The following MAP4K3 variants were observed in gnomAD, a reference collection of about 807,000 sequenced individuals.
MAP4K3 encodes the protein mitogen-activated protein kinase kinase kinase kinase 3.
Under a neutral mutation model 143.5 loss-of-function variants are expected in MAP4K3, and 94 were observed. That is an observed-to-expected ratio of 0.65 (90% CI 0.55 to 0.78). The LOEUF (loss-of-function observed/expected upper bound fraction) is 0.78. MAP4K3 is among the 30% of genes least tolerant of loss of function. The pLI, the probability that MAP4K3 is intolerant of heterozygous loss-of-function variation, is 0.00. For missense variants in MAP4K3, 1,077 were observed against 1,068.1 expected, an observed-to-expected ratio of 1.01 and a Z score of -0.12; for synonymous variants, 416 against 347.2, an observed-to-expected ratio of 1.20 and a Z score of -2.20.
intron 28 of MAP4K3, 117 bp from the exon 29 acceptor site, chr2:39,260,894 G>T: frequency 4.4e-6 from 3 of 685,082 alleles, no homozygotes; most frequent in Non-Finnish European, 4.8e-6. Flanking sequence ...AGAAATTCAG[G>T]TAATGCAGAA....
intron 27 of MAP4K3, among the ~76,000 whole-genome samples, chr2:39,265,686 CG>C: frequency 6.6e-6 from 1 of 152,212 alleles, no homozygotes; most frequent in South Asian, 2.1e-4. Context: ...ACAACACATT[CG>C]GGTGGTTCAC....
intron 1 of MAP4K3, among the ~76,000 whole-genome samples, chr2:39,419,231 A>C (rs192058239): frequency 3.1e-4 from 47 of 152,278 alleles, no homozygotes; most frequent in African/African-American, 1.1e-3. Context: ...TACTTTCTGC[A>C]AACAATAGTG....
intron 32 of MAP4K3, among the ~76,000 whole-genome samples, chr2:39,253,570 C>T (rs1680232092): frequency 6.6e-6 from 1 of 152,322 alleles, no homozygotes; most frequent in South Asian, 2.1e-4. Context: ...ATGCCAAGGT[C>T]ACCCAGCTAC....
intron 1 of MAP4K3, among the ~76,000 whole-genome samples, chr2:39,404,833 C>A (rs1405420071): frequency 3.3e-5 from 5 of 152,052 alleles, no homozygotes; most frequent in Non-Finnish European, 7.4e-5. Flanking sequence ...GTTGGTCAGG[C>A]TGGTCTCGAA....
At chr2:39,425,576 G>C (rs1665042589) in intron 1 of MAP4K3, among the ~76,000 whole-genome samples, 1 of 152,100 alleles carries the variant, frequency 6.6e-6, no homozygotes, top group South Asian at 2.1e-4. Context: ...CTCTCTCTCT[G>C]TAAGAAGGCC....
At chr2:39,267,068 T>G (rs1213557025) in intron 27 of MAP4K3, 121 bp downstream of exon 27, 4 of 861,494 alleles carry the variant, frequency 4.6e-6, no homozygotes, top group Non-Finnish European at 5.7e-6. Flanking sequence ...GCCAAGAAAT[T>G]TGTTCTACTT....
intron 1 of MAP4K3, among the ~76,000 whole-genome samples, chr2:39,430,208 T>G (rs1478641877): frequency 1.3e-5 from 2 of 152,224 alleles, no homozygotes; most frequent in African/African-American, 4.8e-5. Flanking sequence ...GAAGAGGAGA[T>G]TCTTTGAGCA....
chr2:39,407,214 T>A (rs1025683071), intron 1 of MAP4K3, among the ~76,000 whole-genome samples: 2 of 152,106 alleles, frequency 1.3e-5, no homozygotes, highest in Admixed American at 6.5e-5. Context: ...AAGAGAACTG[T>A]GCCAATATAG....
At chr2:39,401,540 C>T (rs1308518424) in intron 1 of MAP4K3, among the ~76,000 whole-genome samples, 1 of 152,138 alleles carries the variant, frequency 6.6e-6, no homozygotes, top group East Asian at 1.9e-4. Flanking sequence ...TGGTTCATGC[C>T]TGTAATCCTA....
chr2:39,255,443 C>T (rs1286778998), intron 31 of MAP4K3, among the ~76,000 whole-genome samples: 1 of 152,100 alleles, frequency 6.6e-6, no homozygotes, highest in Non-Finnish European at 1.5e-5. Context: ...ATTGTACCAG[C>T]ATCATTTGTT....
intron 1 of MAP4K3, among the ~76,000 whole-genome samples, chr2:39,428,520 C>T (rs1422701825): frequency 2.7e-5 from 4 of 150,598 alleles, no homozygotes; most frequent in African/African-American, 9.8e-5. Flanking sequence ...TAAAATAATA[C>T]AAAAAATTAG....
At chr2:39,282,006 C>T (rs532830990) in intron 22 of MAP4K3, among the ~76,000 whole-genome samples, 1 of 151,752 alleles carries the variant, frequency 6.6e-6, no homozygotes, top group Non-Finnish European at 1.5e-5. Flanking sequence ...CCAGCCTGGC[C>T]AATATGGTAA....
At chr2:39,341,361 T>G (rs187388867) in intron 4 of MAP4K3, among the ~76,000 whole-genome samples, 4 of 152,048 alleles carry the variant, frequency 2.6e-5, no homozygotes, top group African/African-American at 9.7e-5. Context: ...AAAATATCAC[T>G]GAAAAAACTT....
chr2:39,315,875 T>A (rs1321199370), intron 12 of MAP4K3, among the ~76,000 whole-genome samples: 2 of 152,128 alleles, frequency 1.3e-5, no homozygotes, highest in African/African-American at 4.8e-5. Flanking sequence ...AATTTATGAA[T>A]TTTTTTGAAA....
At chr2:39,323,550 C>G (rs1683389454) in intron 12 of MAP4K3, 1 of 152,282 alleles carries the variant, frequency 6.6e-6, no homozygotes, top group Middle Eastern at 3.4e-3. Flanking sequence ...ACAGTTACCA[C>G]TGTATATTAA....
intron 1 of MAP4K3, among the ~76,000 whole-genome samples, chr2:39,397,913 C>A (rs1380622683): frequency 6.6e-6 from 1 of 151,888 alleles, no homozygotes. Flanking sequence ...AACAGAAATG[C>A]AAACAAAAAA....
chr2:39,407,928 C>T (rs1324632627), intron 1 of MAP4K3, among the ~76,000 whole-genome samples: 3 of 151,756 alleles, frequency 2.0e-5, no homozygotes, highest in Admixed American at 1.3e-4. Flanking sequence ...GAAAAAAATG[C>T]CACAAGATAT....
At chr2:39,360,764 C>T (rs1161283589) in intron 2 of MAP4K3, among the ~76,000 whole-genome samples, 1 of 152,080 alleles carries the variant, frequency 6.6e-6, no homozygotes, top group South Asian at 2.1e-4. Flanking sequence ...GGGGAAAAGC[C>T]ACTTATAAAA....
Position 39,286,730 on chromosome 2 carries a change from A to T in MAP4K3, c.1587+122T>A, listed in dbSNP as rs1681792954. The T allele has an allele frequency of 9.3e-6, 4 of 432,050 alleles. No individual in the cohort carries two copies. In the East Asian group the frequency reaches 1.4e-4, roughly 15 times the overall value. 26.8% of individuals were successfully genotyped at this position (432,050 alleles called of 1,614,324 possible). The stretch of plus-strand genomic sequence containing the variant: ...TCACCATTATAATTAATATACTAAA[A>T]TATCAATATAGTAATTGTAAAATAT... On this transcript the variant is annotated intron_variant, in intron 21 of 33. Coordinates refer to ENST00000263881, the MANE Select transcript of MAP4K3 (RefSeq NM_003618.4).
Sources: allele counts gnomAD v4.1 joint callset (sites outside exome capture counted in the v4.1 genomes callset), GRCh38; gene constraint gnomAD v4.1.1; transcripts MANE v1.5; gene names NCBI Gene and HGNC (gene_info 2026-07-23, HGNC 2026-07-21).